CLPTM1: variants seen among roughly 807,000 people sequenced by gnomAD.
The protein encoded by CLPTM1 is putative lipid scramblase CLPTM1.
CLPTM1 carries 21 observed loss-of-function variants against 77.3 expected under a neutral mutation model. The ratio of observed to expected loss-of-function variants is 0.27; its 90% CI spans 0.19 to 0.39. The LOEUF (loss-of-function observed/expected upper bound fraction) is 0.39, where lower values mean the gene tolerates loss of function less well. CLPTM1 is among the 10% of genes least tolerant of loss of function. The pLI is 1.00. For synonymous variants in CLPTM1, 373 were observed against 381.0 expected, an observed-to-expected ratio of 0.98 and a Z score of 0.24; for missense variants, 642 against 921.2, an observed-to-expected ratio of 0.70 and a Z score of 3.92.
At position 44,990,437 on chromosome 19, in the gene CLPTM1, C is replaced by A; in HGVS notation, c.1175C>A (p.Ser392Tyr). The change falls in exon 10 of 14, where the codon TCC becomes TAC. Residue 392 changes from serine to tyrosine, a missense_variant. Ser to Tyr is a moderately radical substitution (Grantham distance 144). Coordinates refer to ENST00000337392, the MANE Select transcript of CLPTM1 (RefSeq NM_001294.4). This position sits in a 1 kb window ranked among gnomAD's most constrained non-coding sequence, Gnocchi z 4.8. ...WNSRQSLEGLSVRSVFFGVFQ... is the reference protein window; with the variant it reads ...WNSRQSLEGLYVRSVFFGVFQ... ...AGCCGGCAGTCCCTGGAGGGCCTGTCCGTGCGCTCCGTCTTCTTCGGCGTT... is the reference window on the plus strand; with the variant it reads ...AGCCGGCAGTCCCTGGAGGGCCTGTACGTGCGCTCCGTCTTCTTCGGCGTT... 6.2e-7 allele frequency: 1 copy of A among 1,614,080 alleles called. No individual in the cohort carries two copies. The highest frequency in any genetic ancestry group is 8.5e-7 in the Non-Finnish European group (1 of 1,179,980).
At chr19:44,959,220 CTT>C (rs921521738) in intron 1 of CLPTM1, among the ~76,000 whole-genome samples, 1 of 144,382 alleles carries the variant, frequency 6.9e-6, no homozygotes, top group Non-Finnish European at 1.5e-5. Flanking sequence ...TATTTTGTTT[CTT>C]TTTTTTTTTT....
chr19:44,961,796 TAAAAG>T (rs1333428733), intron 1 of CLPTM1, among the ~76,000 whole-genome samples, 162 bp from the exon 2 acceptor site: 1 of 152,218 alleles, frequency 6.6e-6, no homozygotes, highest in Non-Finnish European at 1.5e-5. Flanking sequence ...GTTTTCCTCC[TAAAAG>T]AAGAGGACCG....
intron 2 of CLPTM1, among the ~76,000 whole-genome samples, chr19:44,965,640 C>T (rs1008586514): frequency 4.6e-5 from 7 of 151,976 alleles, no homozygotes; most frequent in South Asian, 2.1e-4. Flanking sequence ...AGTGAAACGC[C>T]GTCTCTACTG....
rs757701159 is a variant in CLPTM1, at chr19:44,974,600, G to T, written c.468+3G>T. 1.1e-5 allele frequency: 18 copies of T among 1,612,704 alleles called. No homozygotes were observed. Among genetic ancestry groups the T allele is most frequent in the African/African-American group, 6.7e-5 (5 of 74,876 alleles). On this transcript the variant is annotated splice_donor_region_variant and intron_variant, in intron 4 of 13. Coordinates refer to ENST00000337392, the MANE Select transcript of CLPTM1 (RefSeq NM_001294.4). ...TTGCTGAGCTCGATATCCCACAGGT[G>T]GGGGCAGCTCTCGGTTTCTGGCCCC... is the stretch of plus-strand genomic sequence containing the variant.
upstream of CLPTM1, chr19:44,954,756 TGG>T: frequency 7.5e-7 from 1 of 1,329,808 alleles, no homozygotes; most frequent in Non-Finnish European, 9.7e-7. Context: ...TCCGAAGGCT[TGG>T]GGGTGTATCA....
Position 44,955,442 on chromosome 19 carries a change from C to T in CLPTM1, c.47C>T (p.Ala16Val). 1 of 1,313,154 alleles carries T rather than the reference C, an allele frequency of 7.6e-7. No individual in the cohort carries two copies. 81.3% of individuals were successfully genotyped at this position (1,313,154 alleles called of 1,614,324 possible). The change falls in exon 1 of 14, where the codon GCG becomes GTG. Residue 16 changes from alanine (A) to valine (V), a missense_variant. Ala to Val is a moderately conservative substitution (Grantham distance 64). Coordinates refer to ENST00000337392, the MANE Select transcript of CLPTM1 (RefSeq NM_001294.4). ...GACGGGGCCCGCAGCGCCGTGGTGGCGGCCGGGGGAGGCAGCTCCGGTCAG... is the reference window on the plus strand; with the variant it reads ...GACGGGGCCCGCAGCGCCGTGGTGGTGGCCGGGGGAGGCAGCTCCGGTCAG... ...EADGARSAVVAAGGGSSGQVT... is the reference protein window; with the variant it reads ...EADGARSAVVVAGGGSSGQVT...
intron 8 of CLPTM1, chr19:44,987,870 C>T (rs923482506): frequency 6.6e-5 from 40 of 604,138 alleles, no homozygotes; most frequent in Non-Finnish European, 1.1e-4. Flanking sequence ...TGGCCTCTGC[C>T]TCTTCCCCTA....
At chr19:44,969,478 C>T (rs1212948099) in intron 2 of CLPTM1, among the ~76,000 whole-genome samples, 1 of 152,150 alleles carries the variant, frequency 6.6e-6, no homozygotes, top group Non-Finnish European at 1.5e-5. Flanking sequence ...GTTCATTTCT[C>T]TCTGATATAC....
In CLPTM1 at chr19:44,973,085, A is replaced by C. The variant is rs1195335160; in HGVS notation, c.186-2A>C. 6.2e-7 allele frequency: 1 copy of C among 1,613,406 alleles called. No homozygotes were observed. The highest frequency in any genetic ancestry group is 8.5e-7 in the Non-Finnish European group (1 of 1,179,628). On this transcript the variant is annotated splice_acceptor_variant, in intron 2 of 13. Transcript: ENST00000337392. LOFTEE classifies it high-confidence loss of function. ...TCACCACCTTGCTGCTTCTCTCCTC[A>C]GGATCTTCATCATCTGGGCCATCAG...
intron 1 of CLPTM1, 40 bp downstream of exon 1, chr19:44,955,507 G>A: frequency 7.9e-7 from 1 of 1,266,858 alleles, no homozygotes; most frequent in Non-Finnish European, 1.0e-6. Context: ...TTCTTCCCCA[G>A]CCGGGGGGCC....
At chr19:44,959,160 T>C (rs1219426896) in intron 1 of CLPTM1, among the ~76,000 whole-genome samples, 1 of 152,204 alleles carries the variant, frequency 6.6e-6, no homozygotes, top group Non-Finnish European at 1.5e-5. Flanking sequence ...TTTTTGTCTG[T>C]TGCCAATAAT....
At chr19:44,963,861 G>T (rs1970584624) in intron 2 of CLPTM1, among the ~76,000 whole-genome samples, 1 of 151,838 alleles carries the variant, frequency 6.6e-6, no homozygotes, top group African/African-American at 2.4e-5. Flanking sequence ...CAGGCAATCT[G>T]CCCGCCTTGG....
At chr19:44,974,357 T>C (rs1970771919) in intron 3 of CLPTM1, 82 bp from the exon 4 acceptor site, 1 of 1,438,144 alleles carries the variant, frequency 7.0e-7, no homozygotes, top group Non-Finnish European at 9.5e-7. Context: ...CTGAGTGTGC[T>C]GACCGCTGCC....
At chr19:44,955,245 G>T (rs1440652453), upstream of CLPTM1, 2 of 1,495,610 alleles carry the variant, frequency 1.3e-6, no homozygotes, top group African/African-American at 1.4e-5. Context: ...TCCATAGCCG[G>T]AAGTGGCCTT....
rs568189637 is a variant in CLPTM1, at chr19:44,965,806, C to T, written c.185+3731C>T. Among the ~76,000 whole-genome samples, 14 of 152,128 alleles carry T rather than the reference C, an allele frequency of 9.2e-5. No homozygotes were observed. In the South Asian group the frequency reaches 1.5e-3, roughly 16 times the overall value. On this transcript the variant is annotated intron_variant, in intron 2 of 13. Transcript: ENST00000337392. ...TCCAGCCTAGGCGACAGCGAGACTC[C>T]GTCTCAAAAAATAAAACAAAAATAA...
At chr19:44,975,563 T>G (rs752273512) in intron 4 of CLPTM1, among the ~76,000 whole-genome samples, 1 of 151,898 alleles carries the variant, frequency 6.6e-6, no homozygotes, top group Non-Finnish European at 1.5e-5. Flanking sequence ...GGTTTTTTTT[T>G]TTGTTTTTTG....
At chr19:44,973,293 G>T in intron 3 of CLPTM1, 83 bp downstream of exon 3, 1 of 1,584,510 alleles carries the variant, frequency 6.3e-7, no homozygotes, top group South Asian at 1.1e-5. Context: ...CAGCAGTCGG[G>T]ACAGACCAGG....
In CLPTM1 at chr19:44,981,966, G is replaced by A. The variant is rs372873104; in HGVS notation, c.587-3252G>A. ...GATTAATATCAATAATAGTTTAATT[G>A]AGCTCAACATATTCTCGTTTCAACA... On this transcript the variant is annotated intron_variant, in intron 5 of 13. Transcript: ENST00000337392. 1.3e-4 allele frequency among the ~76,000 whole-genome samples: 20 copies of A among 152,108 alleles called. No homozygotes were observed. The East Asian group carries it at 3.7e-3, about 28-fold the overall frequency.
In CLPTM1 at chr19:44,977,086, C is replaced by T. The variant is rs111797789; in HGVS notation, c.469-257C>T. Among the ~76,000 whole-genome samples the T allele has an allele frequency of 5.0e-3, 768 of 152,204 alleles. 7 individuals carry two copies. The highest frequency in any genetic ancestry group is 0.017 in the African/African-American group (715 of 41,532). On this transcript the variant is annotated intron_variant, in intron 4 of 13. Coordinates refer to ENST00000337392, the MANE Select transcript of CLPTM1 (RefSeq NM_001294.4). ...TCGGGTCAGTGCTGTGGGAACTTCG[C>T]ATCCTCTAGGTGGGGCCCTGAGGCT...
Sources: gnomAD v4.1 joint callset for allele counts (sites outside exome capture counted in the v4.1 genomes callset) on GRCh38, gnomAD v4.1.1 for gene constraint, Gnocchi (gnomAD v3.1) non-coding constraint, MANE v1.5 for transcripts, NCBI Gene and HGNC (gene_info 2026-07-23, HGNC 2026-07-21) for gene names.